PTPRQ: variants seen among roughly 807,000 people sequenced by gnomAD.
The protein encoded by PTPRQ is protein tyrosine phosphatase receptor type Q, also known as phosphatidylinositol phosphatase PTPRQ.
In PTPRQ, 199 loss-of-function variants were observed where a neutral mutation model predicts 246.0. That is an observed-to-expected ratio of 0.81 (90% CI 0.72 to 0.91). The LOEUF (loss-of-function observed/expected upper bound fraction) is 0.91, where lower values mean the gene tolerates loss of function less well. Ranked by LOEUF, PTPRQ falls within the 40% of genes least tolerant of loss-of-function variation. The pLI is 0.00. For missense variants in PTPRQ, 2,624 were observed against 2,528.4 expected, an observed-to-expected ratio of 1.04 and a Z score of -0.81; for synonymous variants, 869 against 853.2, an observed-to-expected ratio of 1.02 and a Z score of -0.32.
chr12:80,614,759 T>C (rs1382428336), intron 29 of PTPRQ, among the ~76,000 whole-genome samples: 4 of 150,122 alleles, frequency 2.7e-5, no homozygotes, highest in Admixed American at 6.7e-5. Context: ...CTTTATCAAA[T>C]CTGAGCCCAG....
At chr12:80,463,481 G>C (rs1893277499) in intron 6 of PTPRQ, among the ~76,000 whole-genome samples, 1 of 152,120 alleles carries the variant, frequency 6.6e-6, no homozygotes, top group Non-Finnish European at 1.5e-5. Flanking sequence ...AATCTAGCAA[G>C]GCAGGCCAAC....
At chr12:80,547,882 A>G (rs964412638) in intron 24 of PTPRQ, among the ~76,000 whole-genome samples, 1 of 152,106 alleles carries the variant, frequency 6.6e-6, no homozygotes, top group African/African-American at 2.4e-5. Context: ...CCCCATTCCC[A>G]TGTTACAGAT....
chr12:80,644,049 G>C (rs1238210274), intron 35 of PTPRQ, among the ~76,000 whole-genome samples: 2 of 152,114 alleles, frequency 1.3e-5, no homozygotes, highest in African/African-American at 4.8e-5. Flanking sequence ...ATCATCTGTG[G>C]CTCTCTATTA....
In PTPRQ at chr12:80,484,480, CAAGT is replaced by C; in HGVS notation, c.1238_1241del (p.Val413GlufsTer19). 6.4e-7 allele frequency: 1 copy of C among 1,550,972 alleles called. No homozygotes were observed. Among genetic ancestry groups the C allele is most frequent in the South Asian group, 1.2e-5 (1 of 83,986 alleles). ...ACAACTTGCAGAGGTAGAATCCACG[CAAGT>C]AAGAATTACTTGGAAGAAACCACGA... On this transcript the variant is annotated frameshift_variant, in exon 9 of 45. Coordinates refer to ENST00000644991, the MANE Select transcript of PTPRQ (RefSeq NM_001145026.2). LOFTEE classifies it high-confidence loss of function.
intron 33 of PTPRQ, among the ~76,000 whole-genome samples, chr12:80,624,117 A>G (rs981666964): frequency 1.3e-5 from 2 of 152,162 alleles, no homozygotes; most frequent in Non-Finnish European, 2.9e-5. Flanking sequence ...TCATCTAGGT[A>G]TGAATCTTTG....
chr12:80,468,698 T>A lies in PTPRQ; in HGVS notation c.911-12T>A. 5 of 1,524,120 alleles carry A rather than the reference T, an allele frequency of 3.3e-6. No individual in the cohort carries two copies. The highest frequency in any genetic ancestry group is 4.4e-6 in the Non-Finnish European group (5 of 1,136,734). 94.4% of individuals were successfully genotyped at this position (1,524,120 alleles called of 1,614,324 possible). A position where few individuals can be genotyped will look rare whatever the true frequency, so the allele number is the denominator to read the frequency against. On this transcript the variant is annotated splice_polypyrimidine_tract_variant and intron_variant, in intron 6 of 44. Coordinates refer to ENST00000644991, the MANE Select transcript of PTPRQ (RefSeq NM_001145026.2). ...ATATATGTTATGTATTTATTTTCTA[T>A]AATTATTTTAGTGCCTGAAGGACCA...
At chr12:80,579,032 C>A (rs1197978688) in intron 25 of PTPRQ, among the ~76,000 whole-genome samples, 4 of 152,094 alleles carry the variant, frequency 2.6e-5, no homozygotes, top group Non-Finnish European at 4.4e-5. Context: ...GCTCAATATA[C>A]CATCACATCC....
chr12:80,510,290 T>C (rs1895085101), intron 16 of PTPRQ, 33 bp from the exon 17 acceptor site: 2 of 1,433,632 alleles, frequency 1.4e-6, no homozygotes, highest in African/African-American at 1.5e-5. Context: ...ATATGTTTAA[T>C]AAAACACATT....
At chr12:80,625,675 A>G (rs979086006) in intron 33 of PTPRQ, among the ~76,000 whole-genome samples, 1 of 152,192 alleles carries the variant, frequency 6.6e-6, no homozygotes, top group Non-Finnish European at 1.5e-5. Flanking sequence ...GATAAGTATG[A>G]GTCTGTGGAA....
chr12:80,667,048 A>G (rs1383016445), intron 39 of PTPRQ, among the ~76,000 whole-genome samples: 1 of 151,976 alleles, frequency 6.6e-6, no homozygotes, highest in Admixed American at 6.6e-5. Context: ...CATTCAGAGT[A>G]AAAAGCAAAG....
intron 25 of PTPRQ, among the ~76,000 whole-genome samples, chr12:80,562,104 TG>T: frequency 6.6e-6 from 1 of 152,306 alleles, no homozygotes; most frequent in East Asian, 1.9e-4. Context: ...GAACCAGCCT[TG>T]GGATTCTTAC....
chr12:80,600,574 T>A (rs1425694514), intron 26 of PTPRQ, among the ~76,000 whole-genome samples: 1 of 151,824 alleles, frequency 6.6e-6, no homozygotes, highest in Non-Finnish European at 1.5e-5. Context: ...TTTTTCATGA[T>A]GTCTGGGCAA....
rs1592709551 is a variant in PTPRQ at position 80,605,988 on chromosome 12, G to A, written c.4731+808G>A. ...AAGGAAAAAGAACAGAGGAAATGTAGCAAGAGAACGAATGAAAAATAATCT... is the reference window on the plus strand; with the variant it reads ...AAGGAAAAAGAACAGAGGAAATGTAACAAGAGAACGAATGAAAAATAATCT... On this transcript the variant is annotated intron_variant, in intron 27 of 44. Transcript: ENST00000644991. 4.0e-5 allele frequency among the ~76,000 whole-genome samples: 6 copies of A among 151,188 alleles called. No homozygotes were observed. The South Asian group carries it at 1.2e-3, about 31-fold the overall frequency.
In PTPRQ at chr12:80,590,585, A is replaced by G. The variant is rs558743492; in HGVS notation, c.4609+2133A>G. Among the ~76,000 whole-genome samples, 17 of 147,984 alleles carry G rather than the reference A, an allele frequency of 1.1e-4. 2 individuals carry two copies. Among genetic ancestry groups the G allele is most frequent in the African/African-American group, 2.8e-4 (11 of 39,854 alleles). ...CGGGAGGCTGAGGCAGGAGAATGGC[A>G]TGAACCCGGAAGGCGGAGCTTGCAG... On this transcript the variant is annotated intron_variant, in intron 26 of 44. Coordinates refer to ENST00000644991, the MANE Select transcript of PTPRQ (RefSeq NM_001145026.2).
intron 32 of PTPRQ, among the ~76,000 whole-genome samples, chr12:80,621,142 T>C (rs544523445): frequency 6.6e-6 from 1 of 151,934 alleles, no homozygotes; most frequent in Admixed American, 6.6e-5. Flanking sequence ...CTAAGCCAAG[T>C]TAACATTGGA....
Position 80,650,316 on chromosome 12 carries a change from G to GTTT in PTPRQ, c.6024+655_6024+657dup, listed in dbSNP as rs34306935. Among the ~76,000 whole-genome samples the GTTT allele has an allele frequency of 9.4e-5, 14 of 148,920 alleles. No homozygotes were observed. The Admixed American group carries it at 9.4e-4, about 10-fold the overall frequency. On this transcript the variant is annotated intron_variant, in intron 37 of 44. Coordinates refer to ENST00000644991, the MANE Select transcript of PTPRQ (RefSeq NM_001145026.2). The stretch of plus-strand genomic sequence containing the variant: ...TAAATCTACTTAAAAGTTGGGAATA[G>GTTT]TTTTTTTTTTAACATTTTGTATATC...
rs1273357569 is a variant in PTPRQ, at chr12:80,517,587, A to G, written c.2678+7144A>G. On this transcript the variant is annotated intron_variant, in intron 17 of 44. Transcript: ENST00000644991. Reference sequence around the variant, plus strand: ...TAGTCACCCTGTTGCACTGTCAAATACTAGATCATATTCATTCTTTCTATT... The same window carrying G: ...TAGTCACCCTGTTGCACTGTCAAATGCTAGATCATATTCATTCTTTCTATT... Among the ~76,000 whole-genome samples, 4 of 152,088 alleles carry G rather than the reference A, an allele frequency of 2.6e-5. No individual in the cohort carries two copies. In the South Asian group the frequency reaches 8.3e-4, roughly 32 times the overall value.
chr12:80,571,585 C>T (rs1009517084), intron 25 of PTPRQ, among the ~76,000 whole-genome samples: 1 of 152,116 alleles, frequency 6.6e-6, no homozygotes, highest in African/African-American at 2.4e-5. Context: ...CATGTCAGTA[C>T]ATTTTGTGTC....
chr12:80,521,893 T>C (rs1895505230), intron 17 of PTPRQ, among the ~76,000 whole-genome samples: 1 of 152,230 alleles, frequency 6.6e-6, no homozygotes, highest in South Asian at 2.1e-4. Flanking sequence ...TTTCCAATTC[T>C]GTGAAGAAAG....
Sources: gnomAD v4.1 joint callset for allele counts (sites outside exome capture counted in the v4.1 genomes callset) on GRCh38, gnomAD v4.1.1 for gene constraint, MANE v1.5 for transcripts, NCBI Gene and HGNC (gene_info 2026-07-23, HGNC 2026-07-21) for gene names.